Variants in ARHGAP23 observed in about 807,000 individuals in gnomAD.
ARHGAP23 encodes Rho GTPase activating protein 23, also known as rho GTPase-activating protein 23.
ARHGAP23 carries 34 observed loss-of-function variants against 136.3 expected under a neutral mutation model. The observed-to-expected ratio is 0.25, with a 90% confidence interval of 0.19 to 0.33. The LOEUF (loss-of-function observed/expected upper bound fraction) is 0.33, where lower values mean the gene tolerates loss of function less well. Among genes scored for constraint, ARHGAP23 ranks in the 10% least tolerant of loss-of-function variants. The probability of loss-of-function intolerance (pLI) is 1.00; values close to 1 mark genes in which losing one functional copy is unlikely to be tolerated. For missense variants in ARHGAP23, 1,808 were observed against 2,139.0 expected (o/e 0.85, Z 3.05); for synonymous variants, 832 against 920.5 (o/e 0.90, Z 1.74).
chr17:38,479,950 C>T (rs1028727995), intron 14 of ARHGAP23, 67 bp downstream of exon 14: 174 of 1,527,364 alleles, frequency 1.1e-4, no homozygotes, highest in Admixed American at 4.4e-4. Flanking sequence ...GGAGGGCACG[C>T]GTGTGTGTGT....
chr17:38,491,294 C>T (rs1298933903), intron 19 of ARHGAP23, 113 bp from the exon 20 acceptor site: 5 of 1,411,440 alleles, frequency 3.5e-6, no homozygotes, highest in Admixed American at 2.1e-5. Flanking sequence ...GGGTGTCCAC[C>T]CTCTAAGCTG....
At chr17:38,504,975 C>T (rs2040598278) in intron 23 of ARHGAP23, among the ~76,000 whole-genome samples, 3 of 70,684 alleles carry the variant, frequency 4.2e-5, no homozygotes, top group Non-Finnish European at 9.2e-5. Flanking sequence ...CCTCCCTTAT[C>T]ATCTTTTTTT....
intron 1 of ARHGAP23, among the ~76,000 whole-genome samples, chr17:38,454,551 C>T (rs912977172): frequency 6.6e-6 from 1 of 152,144 alleles, no homozygotes; most frequent in East Asian, 1.9e-4. Context: ...ACCCACCCCA[C>T]CCCTGGTAGG....
intron 1 of ARHGAP23, among the ~76,000 whole-genome samples, chr17:38,429,382 C>A (rs1052458694): frequency 6.6e-6 from 1 of 152,250 alleles, no homozygotes; most frequent in Non-Finnish European, 1.5e-5. Context: ...CCCAGCAGGC[C>A]TCCCTGCTCC....
In ARHGAP23 at chr17:38,463,177, A is replaced by G. The variant is rs371861700; in HGVS notation, c.409A>G (p.Ile137Val). ...SVIGKTYSQV[I>V]ALIQNSDDTL... ...CATTGGGAAGACCTACTCTCAGGTC[A>G]TAGCTCTGATCCAGAATAGGTGAGT... The change falls in exon 5 of 24, where the codon ATA (isoleucine) becomes GTA (valine). Residue 137 changes from isoleucine (I) to valine (V), a missense_variant. By Grantham distance (29) the Ile-to-Val change is conservative. Around this residue, in one of 7 missense-constraint regions of ARHGAP23, gnomAD observed 859 missense variants for 936.4 expected, o/e 0.92. Transcript: ENST00000622683. 3 of 1,551,440 alleles carry G rather than the reference A, an allele frequency of 1.9e-6. No individual in the cohort carries two copies. The highest frequency in any genetic ancestry group is 2.6e-6 in the Non-Finnish European group (3 of 1,146,902).
chr17:38,473,103 ATTTTTTTTT>A (rs59594005), intron 11 of ARHGAP23, among the ~76,000 whole-genome samples: 2 of 129,964 alleles, frequency 1.5e-5, no homozygotes, highest in Non-Finnish European at 3.2e-5. Flanking sequence ...AACCCGGCTA[ATTTTTTTTT>A]TTTTTTTTTT....
In ARHGAP23 at chr17:38,497,818, G is replaced by C. The variant is rs1179663707; in HGVS notation, c.3310G>C (p.Gly1104Arg). ...GTTCTTCAGTGACGAAGAGGACAAG[G>C]GAGAGAGAGTAAGTGATGCCGCGGG... Reference protein sequence around the residue: ...DWFFSDEEDKGERTPVGDKEP... With the variant: ...DWFFSDEEDKRERTPVGDKEP... The change falls in exon 21 of 24, where the codon GGA becomes CGA. Residue 1104 changes from glycine (G) to arginine (R), a missense_variant. Gly to Arg is a moderately radical substitution (Grantham distance 125). Transcript: ENST00000622683. 1 of 1,551,242 alleles carries C rather than the reference G, an allele frequency of 6.4e-7. No individual in the cohort carries two copies. The highest frequency in any genetic ancestry group is 8.7e-7 in the Non-Finnish European group (1 of 1,146,864).
At chr17:38,472,960 G>A (rs369028866) in intron 11 of ARHGAP23, among the ~76,000 whole-genome samples, 1 of 152,074 alleles carries the variant, frequency 6.6e-6, no homozygotes, top group Non-Finnish European at 1.5e-5. Context: ...TTTTTGAGAC[G>A]GAGTCTCGCT....
chr17:38,444,971 T>C (rs1440333978), intron 1 of ARHGAP23, among the ~76,000 whole-genome samples: 1 of 151,746 alleles, frequency 6.6e-6, no homozygotes, highest in Non-Finnish European at 1.5e-5. Context: ...GCACCTGACA[T>C]CACGCCCAGC....
chr17:38,472,069 GC>G (rs2039773688), intron 11 of ARHGAP23, 63 bp downstream of exon 11: 1 of 1,387,418 alleles, frequency 7.2e-7, no homozygotes, highest in African/African-American at 1.4e-5. Context: ...CCTCTCCTAG[GC>G]CTACCCTGAC....
upstream of ARHGAP23, among the ~76,000 whole-genome samples, chr17:38,427,713 G>A (rs61415214): frequency 0.042 from 6,459 of 152,242 alleles, 424 homozygotes; most frequent in African/African-American, 0.14. Context: ...CCCCAGGACT[G>A]GCTGGGTGGG....
rs1353396690 is a variant in ARHGAP23 at position 38,511,594 on chromosome 17, C to G, written c.*622C>G. The stretch of plus-strand genomic sequence containing the variant: ...GTGCACACAGGATCCTGCCCGCCCC[C>G]CTTGCCAGAGCCAGAGAAGGGGGTT... On this transcript the variant is annotated 3_prime_UTR_variant, in exon 24 of 24. Coordinates refer to ENST00000622683, the MANE Select transcript of ARHGAP23 (RefSeq NM_001199417.2). The G allele has an allele frequency of 1.3e-5, 2 of 152,270 alleles. No individual in the cohort carries two copies. The highest frequency in any genetic ancestry group is 6.5e-5 in the Admixed American group (1 of 15,278). 9.4% of individuals were successfully genotyped at this position (152,270 alleles called of 1,614,324 possible).
intron 1 of ARHGAP23, among the ~76,000 whole-genome samples, chr17:38,454,529 G>T (rs528322650): frequency 2.6e-5 from 4 of 152,286 alleles, no homozygotes; most frequent in Admixed American, 6.5e-5. Context: ...ACTGAATGGA[G>T]CAGGGCCCAC....
intron 10 of ARHGAP23, 87 bp downstream of exon 10, chr17:38,469,991 G>T: frequency 6.8e-7 from 1 of 1,462,362 alleles, no homozygotes; most frequent in Non-Finnish European, 9.3e-7. Context: ...GCCTCGGCAT[G>T]GGGGTTCCTG....
At chr17:38,438,067 C>A (rs941381046) in intron 1 of ARHGAP23, among the ~76,000 whole-genome samples, 2 of 152,136 alleles carry the variant, frequency 1.3e-5, no homozygotes, top group Admixed American at 6.5e-5. Context: ...TCACGCCTGT[C>A]ATCCCAGCAC....
Position 38,463,100 on chromosome 17 carries a change from T to C in ARHGAP23, c.350-18T>C. 2 of 1,550,912 alleles carry C rather than the reference T, an allele frequency of 1.3e-6. No individual in the cohort carries two copies. Among genetic ancestry groups the C allele is most frequent in the Non-Finnish European group, 1.7e-6 (2 of 1,146,582 alleles). On this transcript the variant is annotated intron_variant, in intron 4 of 23. Transcript: ENST00000622683. ...TTTGATGCCCTTTGGTCACCACTCA[T>C]GCGCTCCTTGTCCCCAGGAGACCGG...
At chr17:38,498,353 C>CT in intron 21 of ARHGAP23, 61 bp from the exon 22 acceptor site, 1 of 1,353,516 alleles carries the variant, frequency 7.4e-7, no homozygotes, top group Non-Finnish European at 1.0e-6. Flanking sequence ...GCACCCCCCT[C>CT]TGGGGGGTTG....
intron 1 of ARHGAP23, among the ~76,000 whole-genome samples, chr17:38,454,784 G>C (rs145081901): frequency 0.016 from 2,487 of 152,286 alleles, 17 homozygotes; most frequent in Non-Finnish European, 0.025. Flanking sequence ...TTATGCTCCC[G>C]GGGGGAGGAG....
upstream of ARHGAP23, among the ~76,000 whole-genome samples, chr17:38,426,265 A>G (rs2038568418): frequency 6.6e-6 from 1 of 152,122 alleles, no homozygotes; most frequent in African/African-American, 2.4e-5. Flanking sequence ...GCAGTAGGCC[A>G]GGCGCGGTGG....
Sources: allele counts gnomAD v4.1 joint callset (sites outside exome capture counted in the v4.1 genomes callset), GRCh38; gene constraint gnomAD v4.1.1; regional missense constraint gnomAD v4.1.1; transcripts MANE v1.5; gene names NCBI Gene and HGNC (gene_info 2026-07-23, HGNC 2026-07-21).